Variants in ITGA9 observed in about 807,000 individuals in gnomAD.
The protein encoded by ITGA9 is integrin subunit alpha 9.
A neutral mutation model predicts 127.8 loss-of-function variants in ITGA9; 56 were observed. The ratio of observed to expected loss-of-function variants is 0.44; its 90% CI spans 0.35 to 0.55. The LOEUF (loss-of-function observed/expected upper bound fraction) is 0.55. ITGA9 is among the 20% of genes least tolerant of loss of function. ITGA9 has a pLI of 0.00. For synonymous variants in ITGA9, 508 were observed against 514.5 expected, an observed-to-expected ratio of 0.99 and a Z score of 0.17; for missense variants, 1,196 against 1,347.1, an observed-to-expected ratio of 0.89 and a Z score of 1.76.
At chr3:37,694,197 C>G (rs1406814161) in intron 18 of ITGA9, among the ~76,000 whole-genome samples, 1 of 152,230 alleles carries the variant, frequency 6.6e-6, no homozygotes, top group Non-Finnish European at 1.5e-5. Flanking sequence ...GTTGGTCTTC[C>G]CCATCCGCTT....
intron 16 of ITGA9, among the ~76,000 whole-genome samples, chr3:37,642,261 ATT>A (rs1200152726): frequency 6.6e-6 from 1 of 152,044 alleles, no homozygotes; most frequent in Non-Finnish European, 1.5e-5. Flanking sequence ...TGCCTATTTG[ATT>A]CCTTCGTGAC....
chr3:37,777,363 T>C (rs1387710725), intron 23 of ITGA9, 29 bp from the exon 24 acceptor site: 2 of 1,613,668 alleles, frequency 1.2e-6, no homozygotes, highest in Non-Finnish European at 1.7e-6. Flanking sequence ...TGAGAATGAC[T>C]CCTCTGACAG....
intron 10 of ITGA9, 119 bp downstream of exon 10, chr3:37,517,728 C>G (rs1001432978): frequency 2.6e-6 from 2 of 772,818 alleles, no homozygotes; most frequent in Non-Finnish European, 4.4e-6. Flanking sequence ...GTCTACTGAT[C>G]CCCTTCGAAG....
At chr3:37,706,686 C>A (rs1171282415) in intron 18 of ITGA9, among the ~76,000 whole-genome samples, 1 of 152,148 alleles carries the variant, frequency 6.6e-6, no homozygotes, top group African/African-American at 2.4e-5. Flanking sequence ...CCTCAGAATG[C>A]TACTGAAGAT....
At chr3:37,682,540 A>T (rs930398617) in intron 17 of ITGA9, among the ~76,000 whole-genome samples, 3 of 151,680 alleles carry the variant, frequency 2.0e-5, no homozygotes, top group African/African-American at 7.3e-5. Flanking sequence ...TTCTATCTAT[A>T]CTCATTTCCT....
Position 37,784,979 on chromosome 3 carries a change from C to T in ITGA9, c.2790C>T (p.Asp930=), listed in dbSNP as rs1289301533. The change falls in exon 26 of 28, where the codon GAC becomes GAT. Residue 930 remains aspartate (D), a splice_region_variant and synonymous_variant. Transcript: ENST00000264741. ...AAGTTGTGTTGTTTCTTCCACAGGA[C>T]AGTTCGTCTGTCATCCAGTTCATGT... ...MLLNTEILKK[D]SSSVIQFMSR... is the part of the protein sequence containing the mutation. 1.9e-6 allele frequency: 3 copies of T among 1,612,812 alleles called. No homozygotes were observed. In the African/African-American group the frequency reaches 4.0e-5, roughly 22 times the overall value.
chr3:37,764,017 C>T (rs1185043038), intron 23 of ITGA9, among the ~76,000 whole-genome samples: 1 of 152,176 alleles, frequency 6.6e-6, no homozygotes, highest in Admixed American at 6.5e-5. Context: ...CTCCCCAGTA[C>T]ACAGAACTGC....
Position 37,818,911 on chromosome 3 carries a change from G to A in ITGA9, c.3030G>A (p.Arg1010=), listed in dbSNP as rs1168054334. 1 of 1,614,000 alleles carries A rather than the reference G, an allele frequency of 6.2e-7. No homozygotes were observed. The highest frequency in any genetic ancestry group is 8.5e-7 in the Non-Finnish European group (1 of 1,179,904). The change falls in exon 28 of 28, where the codon AGG becomes AGA. Residue 1010 remains arginine, a synonymous_variant. Transcript: ENST00000264741. ...TTCAGATGGGCTTCTTTCGCCGAAG[G>A]TACAAAGAAATTATCGAAGCTGAGA... ...LLWKMGFFRR[R]YKEIIEAEKN...
chr3:37,620,260 G>A (rs190243252), intron 15 of ITGA9, among the ~76,000 whole-genome samples: 105 of 152,296 alleles, frequency 6.9e-4, no homozygotes, highest in African/African-American at 2.2e-3. Context: ...CCCAAGGGCA[G>A]TTCTCCTGAG....
Position 37,806,099 on chromosome 3 carries a change from A to G in ITGA9, c.3009+2157A>G, listed in dbSNP as rs765903980. On this transcript the variant is annotated intron_variant, in intron 27 of 27. Transcript: ENST00000264741. The surrounding 1 kb of genome is among the most constrained non-coding windows in gnomAD (Gnocchi z 4.3). ...GTTACCTTTTAAAAACAATCTGCCA[A>G]TTTGTTGTTTATTTAATCCACATCG... 6 of 152,208 alleles carry G rather than the reference A, an allele frequency of 3.9e-5. No homozygotes were observed. The East Asian group carries it at 1.2e-3, about 29-fold the overall frequency. The allele number at this position is 152,208 out of a possible 1,614,324, so 9.4% of individuals were successfully genotyped here.
chr3:37,596,013 G>C (rs1043784091), intron 15 of ITGA9, among the ~76,000 whole-genome samples: 1 of 152,186 alleles, frequency 6.6e-6, no homozygotes, highest in Non-Finnish European at 1.5e-5. Context: ...ATTGTGCAAG[G>C]TGCTAGGAAT....
chr3:37,696,770 C>A (rs1258537625), intron 18 of ITGA9, among the ~76,000 whole-genome samples: 1 of 152,156 alleles, frequency 6.6e-6, no homozygotes, highest in African/African-American at 2.4e-5. Context: ...ATTCTTGAGG[C>A]ATTCCCTCTT....
chr3:37,754,151 C>T (rs1696622787), intron 23 of ITGA9: 1 of 152,182 alleles, frequency 6.6e-6, no homozygotes, highest in Non-Finnish European at 1.5e-5. Flanking sequence ...ACCAAGATAA[C>T]ACATCTGTCA....
intron 20 of ITGA9, 136 bp downstream of exon 20, chr3:37,737,119 G>A: frequency 1.4e-6 from 1 of 716,644 alleles, no homozygotes; most frequent in Non-Finnish European, 2.5e-6. Context: ...AAAGCCTTGA[G>A]CCGCAAAGTG....
chr3:37,588,563 C>T (rs940236808), intron 15 of ITGA9, among the ~76,000 whole-genome samples: 10 of 152,194 alleles, frequency 6.6e-5, no homozygotes, highest in African/African-American at 2.2e-4. Flanking sequence ...TTCTGTTGTC[C>T]TGGGCACACA....
At chr3:37,653,687 A>C (rs773280672) in intron 16 of ITGA9, 27 bp from the exon 17 acceptor site, 3 of 1,569,406 alleles carry the variant, frequency 1.9e-6, no homozygotes, top group Non-Finnish European at 2.6e-6. Flanking sequence ...ATCCTGCCCT[A>C]ACCTTCCTCT....
At chr3:37,790,657 G>A in intron 26 of ITGA9, 1 of 205,270 alleles carries the variant, frequency 4.9e-6, no homozygotes, top group Non-Finnish European at 9.7e-6. Context: ...CTAATGACAG[G>A]CTCCAGGGCG....
chr3:37,648,703 TTGAAA>T (rs1182047992), intron 16 of ITGA9, among the ~76,000 whole-genome samples: 1 of 151,640 alleles, frequency 6.6e-6, no homozygotes, highest in Non-Finnish European at 1.5e-5. Context: ...GCTTCTCAAG[TTGAAA>T]TGAAAGGACA....
At chr3:37,575,732 C>A (rs925448563) in intron 15 of ITGA9, among the ~76,000 whole-genome samples, 1 of 152,054 alleles carries the variant, frequency 6.6e-6, no homozygotes, top group Non-Finnish European at 1.5e-5. Flanking sequence ...GAGACAGTGA[C>A]CCACGTGAAA....
Sources: gnomAD v4.1 joint callset for allele counts (sites outside exome capture counted in the v4.1 genomes callset) on GRCh38, gnomAD v4.1.1 for gene constraint, Gnocchi (gnomAD v3.1) non-coding constraint, MANE v1.5 for transcripts, NCBI Gene and HGNC (gene_info 2026-07-23, HGNC 2026-07-21) for gene names.